Variants in AGBL4 observed in about 807,000 individuals in gnomAD.
AGBL4 encodes cytosolic carboxypeptidase 6.
AGBL4 carries 58 observed loss-of-function variants against 66.4 expected under a neutral mutation model. That is an observed-to-expected ratio of 0.87 (90% CI 0.71 to 1.09). The LOEUF (loss-of-function observed/expected upper bound fraction) is 1.09, where lower values mean the gene tolerates loss of function less well. Among genes scored for constraint, AGBL4 ranks in the 50% least tolerant of loss-of-function variants. The probability of loss-of-function intolerance (pLI) is 0.00; values close to 1 mark genes in which losing one functional copy is unlikely to be tolerated. For missense variants in AGBL4, 579 were observed against 631.0 expected (o/e 0.92, Z 0.88); for synonymous variants, 234 against 222.9 (o/e 1.05, Z -0.44).
chr1:48,767,222 C>T (rs1274121470), intron 6 of AGBL4, among the ~76,000 whole-genome samples: 1 of 152,146 alleles, frequency 6.6e-6, no homozygotes, highest in East Asian at 1.9e-4. Context: ...GCTAGTTAAC[C>T]TGTCTGAGAC....
chr1:49,407,497 C>T (rs1383056848), intron 3 of AGBL4, among the ~76,000 whole-genome samples: 1 of 152,178 alleles, frequency 6.6e-6, no homozygotes, highest in Non-Finnish European at 1.5e-5. Context: ...TAATAAATCT[C>T]TTTCTATATA....
chr1:49,965,023 C>G (rs1342434458), intron 1 of AGBL4, among the ~76,000 whole-genome samples: 2 of 152,150 alleles, frequency 1.3e-5, no homozygotes, highest in African/African-American at 2.4e-5. Context: ...CTAGACAAAC[C>G]TGAATTTCAA....
At chr1:49,221,578 C>T (rs1475926261) in intron 4 of AGBL4, among the ~76,000 whole-genome samples, 3 of 152,122 alleles carry the variant, frequency 2.0e-5, no homozygotes, top group Admixed American at 6.6e-5. Flanking sequence ...TCCCTTGCAT[C>T]GCATTTCACC....
At chr1:49,777,230 T>A (rs1201451845) in intron 2 of AGBL4, among the ~76,000 whole-genome samples, 1 of 152,042 alleles carries the variant, frequency 6.6e-6, no homozygotes, top group East Asian at 1.9e-4. Context: ...ATTAATCAGA[T>A]TTGAAAATAA....
chr1:49,637,770 T>A (rs1571223990), intron 3 of AGBL4, among the ~76,000 whole-genome samples: 1 of 152,104 alleles, frequency 6.6e-6, no homozygotes, highest in Non-Finnish European at 1.5e-5. Flanking sequence ...AAAAAAATTA[T>A]CTGTAGACTT....
intron 6 of AGBL4, among the ~76,000 whole-genome samples, chr1:48,789,782 A>C (rs1486587901): frequency 6.6e-6 from 1 of 152,168 alleles, no homozygotes; most frequent in Non-Finnish European, 1.5e-5. Flanking sequence ...TAGACTCACC[A>C]GCTCAGGAGA....
chr1:49,355,614 T>C (rs1644003459), intron 3 of AGBL4, among the ~76,000 whole-genome samples: 2 of 152,240 alleles, frequency 1.3e-5, no homozygotes, highest in South Asian at 2.1e-4. Flanking sequence ...AACTCCTTAG[T>C]AGAGCCTACA....
At chr1:49,741,427 A>G (rs559227548) in intron 2 of AGBL4, among the ~76,000 whole-genome samples, 21 of 152,230 alleles carry the variant, frequency 1.4e-4, no homozygotes, top group Non-Finnish European at 2.8e-4. Context: ...CCAACCAAAA[A>G]AAGGCCAACA....
intron 4 of AGBL4, among the ~76,000 whole-genome samples, chr1:49,047,735 T>C (rs1197961814): frequency 2.3e-4 from 35 of 152,116 alleles, no homozygotes; most frequent in Admixed American, 2.3e-3. Context: ...ATTTAGCAAA[T>C]ATTTAAGCAT....
intron 6 of AGBL4, among the ~76,000 whole-genome samples, chr1:48,793,378 G>A (rs765921103): frequency 6.6e-5 from 10 of 151,998 alleles, no homozygotes; most frequent in South Asian, 2.1e-4. Flanking sequence ...TTATAGCAGC[G>A]CCCCAAAAAT....
chr1:49,293,023 C>T (rs180894248), intron 3 of AGBL4, among the ~76,000 whole-genome samples: 21 of 152,342 alleles, frequency 1.4e-4, no homozygotes, highest in Non-Finnish European at 3.1e-4. Flanking sequence ...TTGGGAAGCC[C>T]AGACCTGGGA....
intron 3 of AGBL4, among the ~76,000 whole-genome samples, chr1:49,452,691 T>A (rs1363269019): frequency 6.6e-6 from 1 of 151,958 alleles, no homozygotes; most frequent in Non-Finnish European, 1.5e-5. Context: ...CTTATGACTC[T>A]TATTTTAGCA....
At chr1:49,048,284 A>T (rs1411113053) in intron 4 of AGBL4, 1 of 152,066 alleles carries the variant, frequency 6.6e-6, no homozygotes, top group African/African-American at 2.4e-5. Flanking sequence ...CAATTCTGTG[A>T]CCACAGTTTT....
chr1:48,813,866 T>C (rs1423600436), intron 6 of AGBL4, among the ~76,000 whole-genome samples: 2 of 150,792 alleles, frequency 1.3e-5, no homozygotes, highest in Non-Finnish European at 3.0e-5. Context: ...AAATCAAGGC[T>C]CAGGAGAGGG....
intron 4 of AGBL4, among the ~76,000 whole-genome samples, chr1:49,101,266 C>T (rs1023733491): frequency 1.3e-5 from 2 of 151,994 alleles, no homozygotes; most frequent in African/African-American, 2.4e-5. Flanking sequence ...TGGCTCACTG[C>T]AACCTCCGCC....
intron 4 of AGBL4, among the ~76,000 whole-genome samples, chr1:49,241,891 A>G (rs901427611): frequency 3.3e-5 from 5 of 152,022 alleles, no homozygotes; most frequent in Non-Finnish European, 5.9e-5. Context: ...TACTTTTTAC[A>G]GTGAGAAAAC....
chr1:49,897,813 CCA>C (rs1649374152), intron 1 of AGBL4, among the ~76,000 whole-genome samples: 1 of 151,850 alleles, frequency 6.6e-6, no homozygotes, highest in Non-Finnish European at 1.5e-5. Flanking sequence ...AGAAATAAAT[CCA>C]TACATCTACA....
At chr1:49,562,069 C>A (rs555055129) in intron 3 of AGBL4, among the ~76,000 whole-genome samples, 2 of 152,268 alleles carry the variant, frequency 1.3e-5, no homozygotes, top group African/African-American at 4.8e-5. Context: ...TGATGATGAG[C>A]ATTTTTTCAG....
chr1:49,364,340 G>C (rs975109322), intron 3 of AGBL4, among the ~76,000 whole-genome samples: 27 of 152,206 alleles, frequency 1.8e-4, no homozygotes, highest in Non-Finnish European at 7.4e-5. Context: ...GGAAATATTG[G>C]ATGAGGTCCC....
Sources: gnomAD v4.1 joint callset for allele counts (sites outside exome capture counted in the v4.1 genomes callset) on GRCh38, gnomAD v4.1.1 for gene constraint, MANE v1.5 for transcripts, NCBI Gene and HGNC (gene_info 2026-07-23, HGNC 2026-07-21) for gene names.